Variants in PDE3A observed in about 807,000 individuals in gnomAD.
PDE3A encodes the protein phosphodiesterase 3A.
Under a neutral mutation model 98.3 loss-of-function variants are expected in PDE3A, and 43 were observed. The observed-to-expected ratio is 0.44, with a 90% CI of 0.34 to 0.56. PDE3A has a LOEUF of 0.56. Among genes scored for constraint, PDE3A ranks in the 20% least tolerant of loss-of-function variants. The probability of loss-of-function intolerance (pLI) is 0.01; values close to 1 mark genes in which losing one functional copy is unlikely to be tolerated. For synonymous variants in PDE3A, 663 were observed against 567.9 expected, an observed-to-expected ratio of 1.17 and a Z score of -2.38; for missense variants, 1,427 against 1,440.7, an observed-to-expected ratio of 0.99 and a Z score of 0.15.
At chr12:20,556,319 C>T (rs2121270495) in intron 1 of PDE3A, among the ~76,000 whole-genome samples, 1 of 152,080 alleles carries the variant, frequency 6.6e-6, no homozygotes, top group Admixed American at 6.6e-5. Flanking sequence ...CTGCAGTAGT[C>T]ATTTACCCAG....
intron 1 of PDE3A, among the ~76,000 whole-genome samples, chr12:20,381,292 G>C (rs1301632132): frequency 6.6e-6 from 1 of 151,774 alleles, no homozygotes; most frequent in Non-Finnish European, 1.5e-5. Flanking sequence ...AAAAAATAAA[G>C]TGGCATTCAG....
intron 1 of PDE3A, among the ~76,000 whole-genome samples, chr12:20,378,011 A>G (rs1023467696): frequency 3.3e-5 from 5 of 151,808 alleles, no homozygotes; most frequent in Non-Finnish European, 5.9e-5. Context: ...TAAAAGTCAC[A>G]AGCCTGCTCC....
chr12:20,629,866 T>TAAAG, intron 5 of PDE3A, 42 bp from the exon 6 acceptor site: 3 of 1,484,784 alleles, frequency 2.0e-6, no homozygotes, highest in Non-Finnish European at 2.8e-6. Flanking sequence ...TTTTGCATTT[T>TAAAG]AAAGACATTT....
At chr12:20,617,408 G>A (rs1355712885) in intron 4 of PDE3A, among the ~76,000 whole-genome samples, 1 of 152,052 alleles carries the variant, frequency 6.6e-6, no homozygotes, top group Non-Finnish European at 1.5e-5. Flanking sequence ...TTATATGTCA[G>A]TATAATCCCA....
intron 1 of PDE3A, among the ~76,000 whole-genome samples, chr12:20,537,970 T>A (rs1192880132): frequency 2.0e-5 from 3 of 152,140 alleles, no homozygotes; most frequent in Non-Finnish European, 4.4e-5. Context: ...CTCAGGAGAT[T>A]GAATTTGATG....
intron 1 of PDE3A, among the ~76,000 whole-genome samples, chr12:20,528,952 T>A (rs941258545): frequency 3.3e-5 from 5 of 152,108 alleles, no homozygotes; most frequent in African/African-American, 7.2e-5. Context: ...GAGGGACTTT[T>A]TTCCTGGTTT....
intron 3 of PDE3A, 89 bp from the exon 4 acceptor site, chr12:20,616,141 T>TA: frequency 8.4e-7 from 1 of 1,190,228 alleles, no homozygotes. Flanking sequence ...AATTCACTTC[T>TA]AATTAAAAGC....
Position 20,552,391 on chromosome 12 carries a change from G to C in PDE3A, c.961-4269G>C. 6.2e-7 allele frequency: 1 copy of C among 1,613,438 alleles called. No homozygotes were observed. Among genetic ancestry groups the C allele is most frequent in the South Asian group, 1.1e-5 (1 of 91,048 alleles). On this transcript the variant is annotated intron_variant, in intron 1 of 15. Transcript: ENST00000359062. This position sits in a 1 kb window ranked among gnomAD's most constrained non-coding sequence, Gnocchi z 5.1. ...TCTGCGGAGGGACGATGATGAGCCCGGCCCTTGGACGAAGGAGGGGAAGGA... is the reference window on the plus strand; with the variant it reads ...TCTGCGGAGGGACGATGATGAGCCCCGCCCTTGGACGAAGGAGGGGAAGGA...
chr12:20,492,261 A>G (rs528410623), intron 1 of PDE3A, among the ~76,000 whole-genome samples: 2 of 152,228 alleles, frequency 1.3e-5, no homozygotes, highest in East Asian at 1.9e-4. Flanking sequence ...TGGGATTACA[A>G]GTGTGAGCCA....
chr12:20,434,472 A>C (rs1944748620), intron 1 of PDE3A, among the ~76,000 whole-genome samples: 1 of 152,162 alleles, frequency 6.6e-6, no homozygotes, highest in Admixed American at 6.6e-5. Flanking sequence ...AGTGTTTGCT[A>C]GCTTTTAGTA....
intron 6 of PDE3A, among the ~76,000 whole-genome samples, chr12:20,631,785 C>G (rs191732347): frequency 6.8e-6 from 1 of 147,296 alleles, no homozygotes; most frequent in African/African-American, 2.5e-5. Context: ...GAGGATTTCA[C>G]TGTCTACTTG....
chr12:20,563,418 T>C (rs1206209905), intron 2 of PDE3A, among the ~76,000 whole-genome samples: 9 of 127,004 alleles, frequency 7.1e-5, no homozygotes, highest in Non-Finnish European at 1.3e-4. Flanking sequence ...AAGGGATTAA[T>C]GTGAGCAGAT....
intron 2 of PDE3A, among the ~76,000 whole-genome samples, chr12:20,613,080 T>G (rs958494953): frequency 6.6e-6 from 1 of 152,124 alleles, no homozygotes; most frequent in South Asian, 2.1e-4. Flanking sequence ...ACTTTTGGAG[T>G]GAAATTCCTA....
Position 20,369,325 on chromosome 12 carries a change from C to T in PDE3A, c.41C>T (p.Pro14Leu). 1 of 1,546,548 alleles carries T rather than the reference C, an allele frequency of 6.5e-7. No individual in the cohort carries two copies. Among genetic ancestry groups the T allele is most frequent in the Non-Finnish European group, 8.7e-7 (1 of 1,145,094 alleles). ...GACGCTGCACGAGTCAGGGACAAGC[C>T]CGTCCACAGTGGGGTGAGTCAAGCC... ...PGDAARVRDK[P>L]VHSGVSQAPT... The change falls in exon 1 of 16, where the codon CCC becomes CTC. Residue 14 changes from proline (P) to leucine (L), a missense_variant. By Grantham distance (98) the Pro-to-Leu change is moderately conservative. Around this residue, in one of 3 missense-constraint regions of PDE3A, gnomAD observed 1,012 missense variants for 886.5 expected, o/e 1.14. Transcript: ENST00000359062.
chr12:20,560,497 A>G (rs1942486527), intron 2 of PDE3A, among the ~76,000 whole-genome samples: 1 of 152,204 alleles, frequency 6.6e-6, no homozygotes, highest in Non-Finnish European at 1.5e-5. Flanking sequence ...TGAACTTTCA[A>G]AAAACAGTTT....
intron 1 of PDE3A, among the ~76,000 whole-genome samples, chr12:20,409,263 A>G (rs1187576128): frequency 6.6e-6 from 1 of 152,180 alleles, no homozygotes; most frequent in African/African-American, 2.4e-5. Context: ...GCCACAAGCA[A>G]TATTTAGTCT....
intron 2 of PDE3A, among the ~76,000 whole-genome samples, chr12:20,611,898 TA>T (rs11377123): frequency 1.3e-3 from 194 of 149,742 alleles, no homozygotes; most frequent in Admixed American, 2.5e-3. Flanking sequence ...TAATGAAATT[TA>T]AAAAAAAAAA....
intron 14 of PDE3A, among the ~76,000 whole-genome samples, chr12:20,653,289 C>A (rs1024529598): frequency 3.3e-5 from 5 of 151,964 alleles, no homozygotes; most frequent in East Asian, 1.9e-4. Flanking sequence ...GCAATAAATT[C>A]TTTAAAGCTT....
At chr12:20,482,392 C>T (rs1027892739) in intron 1 of PDE3A, among the ~76,000 whole-genome samples, 6 of 152,044 alleles carry the variant, frequency 3.9e-5, no homozygotes, top group African/African-American at 1.4e-4. Context: ...AGCTTTACTT[C>T]AGTGTTTTAC....
Sources: gnomAD v4.1 joint callset for allele counts (sites outside exome capture counted in the v4.1 genomes callset) on GRCh38, gnomAD v4.1.1 for gene constraint, gnomAD v4.1.1 regional missense constraint, Gnocchi (gnomAD v3.1) non-coding constraint, MANE v1.5 for transcripts, NCBI Gene and HGNC (gene_info 2026-07-23, HGNC 2026-07-21) for gene names.